Variants in RBFOX2 observed in about 807,000 individuals in gnomAD.
RBFOX2 encodes the protein RNA binding fox-1 homolog 2, also known as RNA binding protein fox-1 homolog 2.
RBFOX2 carries 10 observed loss-of-function variants against 49.1 expected under a neutral mutation model. The observed-to-expected ratio is 0.20, with a 90% CI of 0.13 to 0.35. RBFOX2 has a LOEUF of 0.35. Among genes scored for constraint, RBFOX2 ranks in the 10% least tolerant of loss-of-function variants. RBFOX2 has a pLI of 1.00. For synonymous variants in RBFOX2, 183 were observed against 187.4 expected (o/e 0.98, Z 0.19); for missense variants, 323 against 486.9 (o/e 0.66, Z 3.17).
intron 1 of RBFOX2, among the ~76,000 whole-genome samples, chr22:35,838,419 G>T (rs1378837635): frequency 6.6e-6 from 1 of 152,048 alleles, no homozygotes; most frequent in Non-Finnish European, 1.5e-5. Flanking sequence ...AGCAAGGTGG[G>T]TCTCAGAGGT....
At chr22:35,780,013 T>G (rs899019190) in intron 3 of RBFOX2, among the ~76,000 whole-genome samples, 1 of 152,170 alleles carries the variant, frequency 6.6e-6, no homozygotes, top group Non-Finnish European at 1.5e-5. Context: ...CTCTAATAAT[T>G]CAGTAGAGAA....
At chr22:35,870,065 T>C (rs1457952464) in intron 1 of RBFOX2, among the ~76,000 whole-genome samples, 1 of 152,208 alleles carries the variant, frequency 6.6e-6, no homozygotes, top group Non-Finnish European at 1.5e-5. Flanking sequence ...AATGTAAATA[T>C]GGACTTTTGT....
chr22:35,939,826 C>T (rs2053513455), upstream of RBFOX2, among the ~76,000 whole-genome samples: 1 of 151,760 alleles, frequency 6.6e-6, no homozygotes, highest in South Asian at 2.1e-4. Context: ...TTTCCAAGCA[C>T]TGTTAGTCGA....
chr22:36,016,846 C>T (rs900156966), intron 1 of RBFOX2, among the ~76,000 whole-genome samples: 1 of 152,208 alleles, frequency 6.6e-6, no homozygotes, highest in African/African-American at 2.4e-5. Context: ...CTAGATGCCA[C>T]GTAAGTGCAG....
chr22:35,961,502 C>T, intron 1 of RBFOX2: 1 of 1,300,830 alleles, frequency 7.7e-7, no homozygotes, highest in Non-Finnish European at 1.0e-6. Context: ...TTACTGAAGC[C>T]ACAATTCCCC....
At chr22:35,940,478 C>A (rs1267339448), upstream of RBFOX2, among the ~76,000 whole-genome samples, 1 of 152,160 alleles carries the variant, frequency 6.6e-6, no homozygotes, top group Non-Finnish European at 1.5e-5. Flanking sequence ...AATCAGAATT[C>A]TTCTACACTG....
At chr22:35,919,506 C>G (rs1292817668) in intron 1 of RBFOX2, among the ~76,000 whole-genome samples, 3 of 150,546 alleles carry the variant, frequency 2.0e-5, no homozygotes, top group Non-Finnish European at 4.4e-5. Flanking sequence ...GCACTCCAGC[C>G]TGGGCAACAG....
intron 4 of RBFOX2, among the ~76,000 whole-genome samples, chr22:35,774,643 A>G (rs1943463372): frequency 6.6e-6 from 1 of 152,224 alleles, no homozygotes; most frequent in Admixed American, 6.5e-5. Flanking sequence ...TGAAGGCAAA[A>G]GAAGGAAAAA....
exon 12 of RBFOX2, chr22:35,739,669 T>C (rs1445514068): frequency 6.6e-6 from 1 of 152,562 alleles, no homozygotes; most frequent in Non-Finnish European, 1.5e-5. Flanking sequence ...ACCAAAAACA[T>C]TTTTTAAAAA....
intron 1 of RBFOX2, among the ~76,000 whole-genome samples, chr22:35,979,419 GC>G (rs2057351608): frequency 6.6e-6 from 1 of 152,180 alleles, no homozygotes; most frequent in Non-Finnish European, 1.5e-5. Flanking sequence ...GGAGATCTCT[GC>G]CAGTTATATA....
At chr22:35,938,193 T>C (rs2053313431) in intron 1 of RBFOX2, among the ~76,000 whole-genome samples, 1 of 152,212 alleles carries the variant, frequency 6.6e-6, no homozygotes, top group Non-Finnish European at 1.5e-5. Flanking sequence ...CCTGTTCTTC[T>C]ATCCTAACTC....
At chr22:35,992,059 T>C (rs2058005968) in intron 1 of RBFOX2, among the ~76,000 whole-genome samples, 1 of 152,120 alleles carries the variant, frequency 6.6e-6, no homozygotes, top group African/African-American at 2.4e-5. Context: ...TTGCCTAAGG[T>C]AATAAATCTA....
chr22:35,764,062 G>C (rs1939961319), intron 6 of RBFOX2, among the ~76,000 whole-genome samples: 1 of 152,178 alleles, frequency 6.6e-6, no homozygotes, highest in African/African-American at 2.4e-5. Context: ...TGTAAGAGCA[G>C]TGAAAAGAAA....
chr22:35,925,414 C>T (rs1050269182), intron 1 of RBFOX2, among the ~76,000 whole-genome samples: 2 of 152,064 alleles, frequency 1.3e-5, no homozygotes, highest in African/African-American at 4.8e-5. Context: ...CCTGTAGTTC[C>T]AGCTACTTGG....
At chr22:35,766,494 AC>A (rs1417397309) in intron 5 of RBFOX2, among the ~76,000 whole-genome samples, 1 of 152,110 alleles carries the variant, frequency 6.6e-6, no homozygotes, top group Non-Finnish European at 1.5e-5. Flanking sequence ...TAAAAAAAAA[AC>A]CTCTTCCTAT....
chr22:35,911,402 G>A (rs1405250083), intron 1 of RBFOX2, among the ~76,000 whole-genome samples: 1 of 152,130 alleles, frequency 6.6e-6, no homozygotes, highest in Admixed American at 6.5e-5. Context: ...AGTAATCAAT[G>A]CATATGGGAA....
rs113153234 is a variant in RBFOX2 at position 35,890,046 on chromosome 22, G to C, written c.-34+48801C>G. The stretch of plus-strand genomic sequence containing the variant: ...TTGACTCACAGTCTGTGACTTTCAA[G>C]TTTTATGATAAAGCCATCAGTTACT... On this transcript the variant is annotated intron_variant, in intron 1 of 13. Coordinates refer to the RBFOX2 transcript ENST00000359369. Among the ~76,000 whole-genome samples, 274 of 152,220 alleles carry C rather than the reference G, an allele frequency of 1.8e-3. 1 individual carries two copies. The highest frequency in any genetic ancestry group is 6.4e-3 in the African/African-American group (267 of 41,512).
At chr22:35,799,403 A>G (rs1949359931) in intron 2 of RBFOX2, among the ~76,000 whole-genome samples, 2 of 152,192 alleles carry the variant, frequency 1.3e-5, no homozygotes, top group South Asian at 4.1e-4. Context: ...GACTATCAAA[A>G]TAAGCTCTCA....
chr22:35,917,885 C>T (rs2050603548), intron 1 of RBFOX2, among the ~76,000 whole-genome samples: 1 of 152,204 alleles, frequency 6.6e-6, no homozygotes, highest in Admixed American at 6.5e-5. Context: ...CTTCAGGAAA[C>T]AGCTCTGCAC....
Sources: gnomAD v4.1 joint callset for allele counts (sites outside exome capture counted in the v4.1 genomes callset) on GRCh38, gnomAD v4.1.1 for gene constraint, MANE v1.5 for transcripts, NCBI Gene and HGNC (gene_info 2026-07-23, HGNC 2026-07-21) for gene names.